The following C9orf40 variants were observed in gnomAD, a reference collection of about 807,000 sequenced individuals.
C9orf40 encodes the protein chromosome 9 open reading frame 40.
In C9orf40, 2 loss-of-function variants were observed where a neutral mutation model predicts 7.9. The observed-to-expected ratio is 0.25, with a 90% CI of 0.10 to 0.80. The LOEUF is 0.80. Among genes scored for constraint, C9orf40 ranks in the 30% least tolerant of loss-of-function variants. The pLI, the probability that C9orf40 is intolerant of heterozygous loss-of-function variation, is 0.68. For missense variants in C9orf40, 256 were observed against 268.5 expected, an observed-to-expected ratio of 0.95 and a Z score of 0.33; for synonymous variants, 113 against 117.6, an observed-to-expected ratio of 0.96 and a Z score of 0.25.
Position 74,952,118 on chromosome 9 carries a change from G to A in C9orf40, c.426+68C>T, listed in dbSNP as rs754981427. 11 of 556,478 alleles carry A rather than the reference G, an allele frequency of 2.0e-5. No individual in the cohort carries two copies. Among genetic ancestry groups the A allele is most frequent in the Middle Eastern group, 5.5e-4 (1 of 1,822 alleles). 34.5% of individuals were successfully genotyped at this position (556,478 alleles called of 1,614,324 possible). ...TACACAAGTCATGAGTGGGAACCGG[G>A]GCGTTTTGTGTGTGTGGGGAAAAGG... On this transcript the variant is annotated intron_variant, in intron 1 of 1. Transcript: ENST00000376854. This position sits in a 1 kb window ranked among gnomAD's most constrained non-coding sequence, Gnocchi z 5.4.
chr9:74,947,761 C>A lies in C9orf40; in HGVS notation c.*287G>T, dbSNP rs984531740. 19 of 224,926 alleles carry A rather than the reference C, an allele frequency of 8.4e-5. No homozygotes were observed. The highest frequency in any genetic ancestry group is 1.5e-4 in the Non-Finnish European group (17 of 116,484). 13.9% of individuals were successfully genotyped at this position (224,926 alleles called of 1,614,324 possible). ...CCTATTTCTAAAACTGCTAGAATTT[C>A]TTTTTATAAGATCAGTACCTTCAAT... On this transcript the variant is annotated 3_prime_UTR_variant, in exon 2 of 2. Coordinates refer to ENST00000376854, the MANE Select transcript of C9orf40 (RefSeq NM_017998.3).
In C9orf40 at chr9:74,952,124, TTG is replaced by T. The variant is rs915034578; in HGVS notation, c.426+60_426+61del. The T allele has an allele frequency of 8.5e-6, 5 of 587,086 alleles. No homozygotes were observed. Among genetic ancestry groups the T allele is most frequent in the African/African-American group, 7.6e-5 (4 of 52,428 alleles). 36.4% of individuals were successfully genotyped at this position (587,086 alleles called of 1,614,324 possible). Reference sequence around the variant, plus strand: ...AGTCATGAGTGGGAACCGGGGCGTTTTGTGTGTGTGGGGAAAAGGCAAGCCCC... The same window carrying T: ...AGTCATGAGTGGGAACCGGGGCGTTTTGTGTGTGGGGAAAAGGCAAGCCCC... On this transcript the variant is annotated intron_variant, in intron 1 of 1. Transcript: ENST00000376854. This position sits in a 1 kb window ranked among gnomAD's most constrained non-coding sequence, Gnocchi z 5.4.
At chr9:74,949,730 G>A (rs1330008784) in intron 1 of C9orf40, among the ~76,000 whole-genome samples, 1 of 151,676 alleles carries the variant, frequency 6.6e-6, no homozygotes, top group African/African-American at 2.4e-5. Flanking sequence ...TGGTAATCAG[G>A]TATAAAATCC....
At position 74,952,163 on chromosome 9, in the gene C9orf40, G is replaced by C; in HGVS notation, c.426+23C>G. 58 of 351,650 alleles carry C rather than the reference G, an allele frequency of 1.6e-4. No homozygotes were observed. The highest frequency in any genetic ancestry group is 2.1e-4 in the Non-Finnish European group (45 of 211,652). The allele number at this position is 351,650 out of a possible 1,614,324, so 21.8% of individuals were successfully genotyped here. ...AAAAGGCAAGCCCCTTCGCCCCTCA[G>C]CCCACCCGCCCCCAGCCCCTACCTG... On this transcript the variant is annotated intron_variant, in intron 1 of 1. Transcript: ENST00000376854. This position sits in a 1 kb window ranked among gnomAD's most constrained non-coding sequence, Gnocchi z 5.4.
chr9:74,948,351 ATT>A (rs1308325603), intron 1 of C9orf40, 145 bp from the exon 2 acceptor site: 11 of 513,280 alleles, frequency 2.1e-5, no homozygotes, highest in Admixed American at 7.4e-5. Context: ...TACATTTTAA[ATT>A]TTGTCTCATC....
chr9:74,951,103 A>T (rs1309044942), intron 1 of C9orf40, among the ~76,000 whole-genome samples: 1 of 151,996 alleles, frequency 6.6e-6, no homozygotes, highest in African/African-American at 2.4e-5. Flanking sequence ...TTCCATTTGG[A>T]CTAGTCACGT....
chr9:74,952,156 C>A lies in C9orf40; in HGVS notation c.426+30G>T. On this transcript the variant is annotated intron_variant, in intron 1 of 1. Coordinates refer to ENST00000376854, the MANE Select transcript of C9orf40 (RefSeq NM_017998.3). This position sits in a 1 kb window ranked among gnomAD's most constrained non-coding sequence, Gnocchi z 5.4. ...TGTGGGGAAAAGGCAAGCCCCTTCG[C>A]CCCTCAGCCCACCCGCCCCCAGCCC... is the stretch of plus-strand genomic sequence containing the variant. 1 of 559,422 alleles carries A rather than the reference C, an allele frequency of 1.8e-6. No homozygotes were observed. Among genetic ancestry groups the A allele is most frequent in the Non-Finnish European group, 2.6e-6 (1 of 380,274 alleles). The allele number at this position is 559,422 out of a possible 1,614,324, so 34.7% of individuals were successfully genotyped here.
chr9:74,952,425 T>G lies in C9orf40; in HGVS notation c.187A>C (p.Met63Leu). 6.3e-7 allele frequency: 1 copy of G among 1,598,982 alleles called. No homozygotes were observed. The highest frequency in any genetic ancestry group is 8.5e-7 in the Non-Finnish European group (1 of 1,177,564). Residue 63 changes from methionine to leucine, a missense_variant, in exon 1 of 2, where the codon ATG becomes CTG. By Grantham distance (15) the Met-to-Leu change is conservative (BLOSUM62 2). Transcript: ENST00000376854. The surrounding 1 kb of genome is among the most constrained non-coding windows in gnomAD (Gnocchi z 5.4). ...CTGGGCGAAGCCGAGGGCTCTGCCA[T>G]GGTCCCTGCGTCGATTTTGCGCTTT... ...HRKRKIDAGTMAEPSASPSKR... is the reference protein window; with the variant it reads ...HRKRKIDAGTLAEPSASPSKR...
In C9orf40 at chr9:74,952,652, C is replaced by A; in HGVS notation, c.-41G>T. 1 of 1,498,732 alleles carries A rather than the reference C, an allele frequency of 6.7e-7. No homozygotes were observed. The highest frequency in any genetic ancestry group is 8.9e-7 in the Non-Finnish European group (1 of 1,127,418). 92.8% of individuals were successfully genotyped at this position (1,498,732 alleles called of 1,614,324 possible). On this transcript the variant is annotated 5_prime_UTR_variant, in exon 1 of 2. Transcript: ENST00000376854. This position sits in a 1 kb window ranked among gnomAD's most constrained non-coding sequence, Gnocchi z 5.4. ...GGCGGAGCCCGCCAGGCGCGGGAGA[C>A]CGAGTGCCGATAGCTGCGGGGGGCG...
At chr9:74,950,024 G>T (rs1042276503) in intron 1 of C9orf40, among the ~76,000 whole-genome samples, 1 of 151,916 alleles carries the variant, frequency 6.6e-6, no homozygotes, top group African/African-American at 2.4e-5. Context: ...GTGTGCACCT[G>T]CAGTCCCAAC....
At chr9:74,951,324 C>G (rs1287046062) in intron 1 of C9orf40, among the ~76,000 whole-genome samples, 2 of 152,200 alleles carry the variant, frequency 1.3e-5, no homozygotes, top group East Asian at 3.9e-4. Context: ...CAGCGTCTCA[C>G]TCTGTGGCCC....
At chr9:74,950,069 GGTGCCA>G (rs1280992668) in intron 1 of C9orf40, among the ~76,000 whole-genome samples, 1 of 152,036 alleles carries the variant, frequency 6.6e-6, no homozygotes, top group Non-Finnish European at 1.5e-5. Context: ...GAGCTGGGAT[GGTGCCA>G]CTGCACTCCA....
chr9:74,948,102 T>C lies in C9orf40; in HGVS notation c.531A>G (p.Thr177=). 4 of 1,614,110 alleles carry C rather than the reference T, an allele frequency of 2.5e-6. No homozygotes were observed. Among genetic ancestry groups the C allele is most frequent in the Non-Finnish European group, 3.4e-6 (4 of 1,179,948 alleles). The part of the protein sequence containing the change: ...DIEDLSEDTL[T]EATLQGRNEG... ...CATTCCTGCCCTGAAGTGTTGCTTC[T>C]GTCAGGGTGTCTTCACTTAAATCTT... The change falls in exon 2 of 2, where the codon ACA becomes ACG. Residue 177 remains threonine, a synonymous_variant. Coordinates refer to ENST00000376854, the MANE Select transcript of C9orf40 (RefSeq NM_017998.3).
chr9:74,952,479 G>T lies in C9orf40; in HGVS notation c.133C>A (p.Gln45Lys). 1.3e-6 allele frequency: 2 copies of T among 1,597,814 alleles called. No homozygotes were observed. The change falls in exon 1 of 2, where the codon CAG becomes AAG. Residue 45 changes from glutamine to lysine, a missense_variant. By Grantham distance (53) the Gln-to-Lys change is moderately conservative. Coordinates refer to ENST00000376854, the MANE Select transcript of C9orf40 (RefSeq NM_017998.3). The surrounding 1 kb of genome is among the most constrained non-coding windows in gnomAD (Gnocchi z 5.4). Reference protein sequence around the residue: ...IRPPGVAHAGQLLGVPEQHRK... With the variant: ...IRPPGVAHAGKLLGVPEQHRK... ...TGCTGCTCTGGGACGCCGAGGAGCT[G>T]CCCAGCATGCGCGACCCCGGGCGGC... is the stretch of plus-strand genomic sequence containing the variant.
At position 74,948,019 on chromosome 9, in the gene C9orf40, A is replaced by G. The variant is rs763648355; in HGVS notation, c.*29T>C. 19 of 1,592,216 alleles carry G rather than the reference A, an allele frequency of 1.2e-5. No individual in the cohort carries two copies. The highest frequency in any genetic ancestry group is 1.6e-5 in the Non-Finnish European group (19 of 1,169,186). On this transcript the variant is annotated 3_prime_UTR_variant, in exon 2 of 2. Coordinates refer to ENST00000376854, the MANE Select transcript of C9orf40 (RefSeq NM_017998.3). ...TCACTTAGAGACATCTCCTCAAATC[A>G]GCCAATCCCACTGCTTCGGCTCCTT...
At position 74,947,850 on chromosome 9, in the gene C9orf40, G is replaced by C; in HGVS notation, c.*198C>G. 2.1e-6 allele frequency: 1 copy of C among 481,254 alleles called. No homozygotes were observed. The highest frequency in any genetic ancestry group is 3.6e-6 in the Non-Finnish European group (1 of 277,128). The allele number at this position is 481,254 out of a possible 1,614,324, so 29.8% of individuals were successfully genotyped here. ...TACATAAAATACTTCCCCTACAACT[G>C]TACTCTATCCTTGACAAATCCTTAT... On this transcript the variant is annotated 3_prime_UTR_variant, in exon 2 of 2. Transcript: ENST00000376854.
At position 74,952,505 on chromosome 9, in the gene C9orf40, C is replaced by A. The variant is rs773980785; in HGVS notation, c.107G>T (p.Arg36Leu). 2 of 1,594,056 alleles carry A rather than the reference C, an allele frequency of 1.3e-6. No homozygotes were observed. Among genetic ancestry groups the A allele is most frequent in the Admixed American group, 1.7e-5 (1 of 59,574 alleles). The change falls in exon 1 of 2, where the codon CGG becomes CTG. Residue 36 changes from arginine to leucine, a missense_variant. By Grantham distance (102) the Arg-to-Leu change is moderately radical. Transcript: ENST00000376854. This position sits in a 1 kb window ranked among gnomAD's most constrained non-coding sequence, Gnocchi z 5.4. ...CCCAGCATGCGCGACCCCGGGCGGC[C>A]GGATCCAGAGAGGCGGTGGCGGCGG... ...EQPPPPPLWI[R>L]PPGVAHAGQL...
At chr9:74,949,542 T>TA (rs1477953644) in intron 1 of C9orf40, among the ~76,000 whole-genome samples, 2 of 152,206 alleles carry the variant, frequency 1.3e-5, no homozygotes, top group Non-Finnish European at 2.9e-5. Context: ...AGAAATGACG[T>TA]AACATTATCC....
At chr9:74,950,311 T>C (rs1256689245) in intron 1 of C9orf40, among the ~76,000 whole-genome samples, 1 of 152,240 alleles carries the variant, frequency 6.6e-6, no homozygotes, top group Non-Finnish European at 1.5e-5. Context: ...TAGAGAACTC[T>C]TACGCTTTGC....
Sources: gnomAD v4.1 joint callset for allele counts (sites outside exome capture counted in the v4.1 genomes callset) on GRCh38, gnomAD v4.1.1 for gene constraint, Gnocchi (gnomAD v3.1) non-coding constraint, MANE v1.5 for transcripts, NCBI Gene and HGNC (gene_info 2026-07-23, HGNC 2026-07-21) for gene names.